The following TRA2B variants were observed in gnomAD, a reference collection of about 807,000 sequenced individuals.
The protein encoded by TRA2B is transformer-2 protein homolog beta.
A neutral mutation model predicts 41.7 loss-of-function variants in TRA2B; 14 were observed. That is an observed-to-expected ratio of 0.34 (90% CI 0.22 to 0.53). The LOEUF (loss-of-function observed/expected upper bound fraction) is 0.53. Among genes scored for constraint, TRA2B ranks in the 20% least tolerant of loss-of-function variants. The pLI is 0.95. For missense variants in TRA2B, 167 were observed against 396.8 expected (o/e 0.42, Z 4.92); for synonymous variants, 130 against 128.8 (o/e 1.01, Z -0.06).
In TRA2B at chr3:185,936,265, A is replaced by T. The variant is rs115943205; in HGVS notation, c.36+1560T>A. 8.0e-3 allele frequency: 7,906 copies of T among 985,402 alleles called. 432 individuals carry two copies. The African/African-American group carries it at 0.12, about 16-fold the overall frequency. 61.0% of individuals were successfully genotyped at this position (985,402 alleles called of 1,614,324 possible). A position where few individuals can be genotyped will look rare whatever the true frequency, so the allele number is the denominator to read the frequency against. ...TGCAGTCCAAACACCAATGACTGTT[A>T]TAACAGATTCAACTGCCAATGATCA... On this transcript the variant is annotated intron_variant, in intron 1 of 8. Transcript: ENST00000453386.
At chr3:185,920,132 C>G (rs531360912) in intron 6 of TRA2B, among the ~76,000 whole-genome samples, 116 of 152,066 alleles carry the variant, frequency 7.6e-4, no homozygotes, top group African/African-American at 2.5e-3. Context: ...AAATTTTTGG[C>G]AAAAATAAAA....
intron 1 of TRA2B, 185 bp from the exon 2 acceptor site, chr3:185,926,919 T>C: frequency 3.0e-6 from 2 of 664,120 alleles, no homozygotes; most frequent in Non-Finnish European, 4.8e-6. Context: ...ATAAGTCAAT[T>C]AACTTGTCCT....
intron 1 of TRA2B, chr3:185,937,530 C>T: frequency 4.0e-6 from 4 of 1,008,266 alleles, no homozygotes; most frequent in Non-Finnish European, 3.8e-6. Context: ...CCTCCCCCAA[C>T]ACCGCGGGGA....
chr3:185,930,885 T>C (rs764861829), intron 1 of TRA2B, among the ~76,000 whole-genome samples: 1 of 152,228 alleles, frequency 6.6e-6, no homozygotes, highest in Non-Finnish European at 1.5e-5. Context: ...CCTGTTCACT[T>C]GTGTGACCCA....
Position 185,919,562 on chromosome 3 carries a change from A to G in TRA2B, c.723-66T>C, listed in dbSNP as rs1743635416. On this transcript the variant is annotated intron_variant, in intron 6 of 8. Transcript: ENST00000453386. Reference sequence around the variant, plus strand: ...TAAGTTTTAAAAAATTATGTCATTCATTTAGTAAAATAAAAACTTTCATAG... The same window carrying G: ...TAAGTTTTAAAAAATTATGTCATTCGTTTAGTAAAATAAAAACTTTCATAG... 1.4e-5 allele frequency: 19 copies of G among 1,363,232 alleles called. No individual in the cohort carries two copies. In the South Asian group the frequency reaches 2.5e-4, roughly 18 times the overall value. The allele number at this position is 1,363,232 out of a possible 1,614,324, so 84.4% of individuals were successfully genotyped here.
chr3:185,935,005 T>C (rs752729778), intron 1 of TRA2B: 10 of 985,364 alleles, frequency 1.0e-5, no homozygotes, highest in Non-Finnish European at 1.2e-5. Context: ...CATTACAATA[T>C]TGAGAGGCTC....
Position 185,917,610 on chromosome 3 carries a change from C to A in TRA2B, c.*105G>T. On this transcript the variant is annotated 3_prime_UTR_variant, in exon 9 of 9. Coordinates refer to ENST00000453386, the MANE Select transcript of TRA2B (RefSeq NM_004593.3). Reference sequence around the variant, plus strand: ...TCATCGTAAAAGGTGTAAAAGTCACCTAACTTCACTAGGCACTGTTCACTT... The same window carrying A: ...TCATCGTAAAAGGTGTAAAAGTCACATAACTTCACTAGGCACTGTTCACTT... 7.9e-7 allele frequency: 1 copy of A among 1,267,884 alleles called. No homozygotes were observed. The highest frequency in any genetic ancestry group is 2.4e-5 in the East Asian group (1 of 42,002). The allele number at this position is 1,267,884 out of a possible 1,614,324, so 78.5% of individuals were successfully genotyped here.
At position 185,923,975 on chromosome 3, in the gene TRA2B, C is replaced by A; in HGVS notation, c.343G>T (p.Asp115Tyr). Reference sequence around the variant, plus strand: ...AATACTCCAAGACAACAGTTAGGATCAGGATTTGCCTAGGGAAAAAAAAAA... The same window carrying A: ...AATACTCCAAGACAACAGTTAGGATAAGGATTTGCCTAGGGAAAAAAAAAA... ...RRHVGNRANP[D>Y]PNCCLGVFGL... Residue 115 changes from aspartate (D) to tyrosine (Y), a missense_variant, in exon 4 of 9, where the codon GAT becomes TAT. By Grantham distance (160) the Asp-to-Tyr change is radical (BLOSUM62 -3). Coordinates refer to ENST00000453386, the MANE Select transcript of TRA2B (RefSeq NM_004593.3). 1 of 1,589,676 alleles carries A rather than the reference C, an allele frequency of 6.3e-7. No individual in the cohort carries two copies. Among genetic ancestry groups the A allele is most frequent in the Non-Finnish European group, 8.5e-7 (1 of 1,173,682 alleles).
At chr3:185,921,531 G>A (rs1238616900) in intron 5 of TRA2B, among the ~76,000 whole-genome samples, 5 of 152,146 alleles carry the variant, frequency 3.3e-5, no homozygotes, top group Non-Finnish European at 5.9e-5. Context: ...TTGGGAGGCC[G>A]AGGCGGGCAG....
chr3:185,936,601 G>A, intron 1 of TRA2B: 1 of 984,852 alleles, frequency 1.0e-6, no homozygotes, highest in Non-Finnish European at 1.2e-6. Context: ...ACATTTAATA[G>A]TCTTATTTAC....
intron 1 of TRA2B, chr3:185,937,306 C>T (rs1350954358): frequency 7.1e-6 from 7 of 988,108 alleles, no homozygotes; most frequent in Non-Finnish European, 8.4e-6. Context: ...CCTTCGTTAA[C>T]CTAAACACCG....
intron 3 of TRA2B, 49 bp from the exon 4 acceptor site, chr3:185,924,033 A>G (rs760809252): frequency 1.3e-6 from 2 of 1,540,440 alleles, no homozygotes; most frequent in East Asian, 4.5e-5. Flanking sequence ...TCATAAAATC[A>G]AAGTTGTTTA....
intron 1 of TRA2B, chr3:185,928,181 G>A (rs1448435403): frequency 1.6e-5 from 2 of 128,210 alleles, no homozygotes; most frequent in Non-Finnish European, 3.5e-5. Flanking sequence ...ATGATCCTTT[G>A]ATGCTCAGGG....
In TRA2B at chr3:185,917,434, T is replaced by A. The variant is rs1743540733; in HGVS notation, c.*281A>T. On this transcript the variant is annotated 3_prime_UTR_variant, in exon 9 of 9. Transcript: ENST00000453386. The stretch of plus-strand genomic sequence containing the variant: ...CAGTAGAAAAACCTTTTAAATGAAG[T>A]TTTGTACAATAGAAACTTCTCAGCA... 1 of 420,030 alleles carries A rather than the reference T, an allele frequency of 2.4e-6. No homozygotes were observed. Among genetic ancestry groups the A allele is most frequent in the Non-Finnish European group, 4.3e-6 (1 of 233,464 alleles). The allele number at this position is 420,030 out of a possible 1,614,324, so 26.0% of individuals were successfully genotyped here.
chr3:185,925,211 G>A (rs1437100461), intron 3 of TRA2B: 5 of 370,234 alleles, frequency 1.4e-5, no homozygotes, highest in Non-Finnish European at 2.5e-5. Flanking sequence ...TAGTAATGCA[G>A]TCGGAAGTTT....
At chr3:185,918,872 G>A (rs926358468) in intron 7 of TRA2B, among the ~76,000 whole-genome samples, 83 of 152,032 alleles carry the variant, frequency 5.5e-4, no homozygotes, top group African/African-American at 2.0e-3. Flanking sequence ...TCTGTGCGGT[G>A]GTGCATGCTT....
chr3:185,928,313 G>A (rs1744028155), intron 1 of TRA2B: 2 of 152,136 alleles, frequency 1.3e-5, no homozygotes, highest in African/African-American at 4.8e-5. Flanking sequence ...CTCTAGAAAC[G>A]TTCAAATGAC....
Position 185,914,675 on chromosome 3 carries a change from T to TAA in TRA2B, c.*3039_*3040insTT. On this transcript the variant is annotated 3_prime_UTR_variant, in exon 9 of 9. Transcript: ENST00000453386. ...TAGCATTCTGGCTTTTTGATGACAT[T>TAA]TGGCATAAGCTAGCATTAAGTCCAA... is the stretch of plus-strand genomic sequence containing the variant. Among the ~76,000 whole-genome samples, 2 of 152,274 alleles carry TAA rather than the reference T, an allele frequency of 1.3e-5. No individual in the cohort carries two copies. Among genetic ancestry groups the TAA allele is most frequent in the East Asian group, 3.9e-4 (2 of 5,182 alleles).
intron 1 of TRA2B, chr3:185,936,545 A>G: frequency 4.1e-6 from 4 of 985,430 alleles, no homozygotes; most frequent in Non-Finnish European, 4.8e-6. Flanking sequence ...TTCTTCCTAA[A>G]ATACTCTGAG....
Sources: allele counts gnomAD v4.1 joint callset (sites outside exome capture counted in the v4.1 genomes callset), GRCh38; gene constraint gnomAD v4.1.1; transcripts MANE v1.5; gene names NCBI Gene and HGNC (gene_info 2026-07-23, HGNC 2026-07-21).